Variants in ENGASE observed in about 807,000 individuals in gnomAD.
ENGASE encodes endo-beta-N-acetylglucosaminidase.
Under a neutral mutation model 78.5 loss-of-function variants are expected in ENGASE, and 69 were observed. That is an observed-to-expected ratio of 0.88 (90% CI 0.72 to 1.07). ENGASE has a LOEUF of 1.07. ENGASE is among the 50% of genes least tolerant of loss of function. The pLI, the probability that ENGASE is intolerant of heterozygous loss-of-function variation, is 0.00. For synonymous variants in ENGASE, 408 were observed against 408.9 expected (o/e 1.00, Z 0.03); for missense variants, 943 against 988.4 (o/e 0.95, Z 0.62).
rs2073327066 is a variant in ENGASE, at chr17:79,086,831, G to C, written c.*482G>C. On this transcript the variant is annotated 3_prime_UTR_variant, in exon 14 of 14. Coordinates refer to ENST00000579016, the MANE Select transcript of ENGASE (RefSeq NM_001042573.3). ...ATGAGGACGAGCTACAGCAGCTCCT[G>C]GGGTGGGGCTGCCTGCGGGATGGCG... 2 of 422,628 alleles carry C rather than the reference G, an allele frequency of 4.7e-6. No homozygotes were observed. Among genetic ancestry groups the C allele is most frequent in the Admixed American group, 2.5e-5 (1 of 39,286 alleles). 26.2% of individuals were successfully genotyped at this position (422,628 alleles called of 1,614,324 possible). A position where few individuals can be genotyped will look rare whatever the true frequency, so the allele number is the denominator to read the frequency against.
rs749489623 is a variant in ENGASE, at chr17:79,082,002, A to G, written c.977A>G (p.Tyr326Cys). The G allele has an allele frequency of 6.2e-6, 10 of 1,614,082 alleles. No homozygotes were observed. Among genetic ancestry groups the G allele is most frequent in the African/African-American group, 2.7e-5 (2 of 74,932 alleles). Residue 326 changes from tyrosine (Y) to cysteine (C), a missense_variant, in exon 7 of 14, where the codon TAC (tyrosine) becomes TGC (cysteine). Tyr to Cys is a radical substitution (Grantham distance 194). Transcript: ENST00000579016. ...GQAGERRADV[Y>C]VGVDVFARGN... is the part of the protein sequence containing the mutation. ...GCTGGGGAGCGCCGGGCTGATGTGT[A>G]CGTGGGCGTGGATGTGTTTGCTCGA...
intron 10 of ENGASE, chr17:79,084,239 A>AAACCACC: frequency 6.1e-6 from 1 of 163,216 alleles, no homozygotes; most frequent in Non-Finnish European, 1.0e-5. Flanking sequence ...TTAGCCCCCC[A>AAACCACC]TCCTCCCCCA....
At chr17:79,082,873 T>C (rs34879184) in intron 7 of ENGASE, 147 bp from the exon 8 acceptor site, 109,485 of 1,570,150 alleles carry the variant, frequency 0.07, 6,231 homozygotes, top group African/African-American at 0.3. Flanking sequence ...CCCAGCAGCC[T>C]CCAGGTGCAT....
chr17:79,074,938 C>T lies in ENGASE; in HGVS notation c.-7C>T. ...GCGATTGCCTCTCGGCGTGCGCGGA[C>T]AGTGTCATGGAGGCCGCGGCGGTGA... On this transcript the variant is annotated 5_prime_UTR_variant, in exon 1 of 14. Coordinates refer to ENST00000579016, the MANE Select transcript of ENGASE (RefSeq NM_001042573.3). The T allele has an allele frequency of 3.2e-6, 4 of 1,260,946 alleles. No individual in the cohort carries two copies. Among genetic ancestry groups the T allele is most frequent in the Non-Finnish European group, 4.0e-6 (4 of 1,002,612 alleles). The allele number at this position is 1,260,946 out of a possible 1,614,324, so 78.1% of individuals were successfully genotyped here. A position where few individuals can be genotyped will look rare whatever the true frequency, so the allele number is the denominator to read the frequency against.
At chr17:79,084,186 A>G in intron 10 of ENGASE, 1 of 562,126 alleles carries the variant, frequency 1.8e-6, no homozygotes, top group Middle Eastern at 4.6e-4. Context: ...ACAGATCCCT[A>G]GAACTGTGTC....
rs763479483 is a variant in ENGASE at position 79,085,891 on chromosome 17, GC to G, written c.1816-37del. Reference sequence around the variant, plus strand: ...GTGTGCGTGGGGGCACCCTCTCCCCGCCCCCGGGCGTCCAGCCGTGCTGAGC... The same window carrying G: ...GTGTGCGTGGGGGCACCCTCTCCCCGCCCCGGGCGTCCAGCCGTGCTGAGC... On this transcript the variant is annotated intron_variant, in intron 13 of 13. Coordinates refer to ENST00000579016, the MANE Select transcript of ENGASE (RefSeq NM_001042573.3). The G allele has an allele frequency of 4.4e-6, 7 of 1,573,514 alleles. No homozygotes were observed. The African/African-American group carries it at 6.7e-5, about 15-fold the overall frequency.
chr17:79,081,760 G>GTGGGA, intron 6 of ENGASE, 138 bp from the exon 7 acceptor site: 2 of 966,118 alleles, frequency 2.1e-6, no homozygotes, highest in Non-Finnish European at 2.9e-6. Flanking sequence ...GTGGGGTGGG[G>GTGGGA]TGGGGTGGGG....
At position 79,087,407 on chromosome 17, in the gene ENGASE, G is replaced by A. The variant is rs1196846280; in HGVS notation, c.*1058G>A. ...GGGAGGCAGGGTCTTCACCACAGGC[G>A]CCTTCCTCTGTCCTTCCTGCTCTTT... On this transcript the variant is annotated 3_prime_UTR_variant, in exon 14 of 14. Transcript: ENST00000579016. 3 of 229,564 alleles carry A rather than the reference G, an allele frequency of 1.3e-5. No individual in the cohort carries two copies. The highest frequency in any genetic ancestry group is 2.2e-5 in the African/African-American group (1 of 44,490). 14.2% of individuals were successfully genotyped at this position (229,564 alleles called of 1,614,324 possible).
At chr17:79,082,238 C>G in intron 7 of ENGASE, 175 bp downstream of exon 7, 1 of 1,543,642 alleles carries the variant, frequency 6.5e-7, no homozygotes, top group Non-Finnish European at 8.7e-7. Flanking sequence ...CAAGCTATGT[C>G]CCCACTGAAA....
chr17:79,075,378 C>G (rs564866095), intron 1 of ENGASE, among the ~76,000 whole-genome samples: 1 of 152,332 alleles, frequency 6.6e-6, no homozygotes, highest in South Asian at 2.1e-4. Context: ...GGAATCCCGA[C>G]GCCCCGGCCA....
Position 79,080,839 on chromosome 17 carries a change from TC to T in ENGASE, c.724-81del, listed in dbSNP as rs1387209838. ...CGCCTGTGGGTCTGTTTGCTCTGCA[TC>T]CCCCTGTCTGTCCAGCGCTGGATAC... On this transcript the variant is annotated intron_variant, in intron 5 of 13. Transcript: ENST00000579016. The T allele has an allele frequency of 9.3e-6, 14 of 1,498,756 alleles. No individual in the cohort carries two copies. The East Asian group carries it at 3.3e-4, about 36-fold the overall frequency. The allele number at this position is 1,498,756 out of a possible 1,614,324, so 92.8% of individuals were successfully genotyped here. A position where few individuals can be genotyped will look rare whatever the true frequency, so the allele number is the denominator to read the frequency against.
At position 79,083,683 on chromosome 17, in the gene ENGASE, C is replaced by T; in HGVS notation, c.1252-78C>T. ...ACTTGCCAGCAGGCACGGTGGTGGTCTTACCCTTCCCTGCCGCTCCGGGCA... is the reference window on the plus strand; with the variant it reads ...ACTTGCCAGCAGGCACGGTGGTGGTTTTACCCTTCCCTGCCGCTCCGGGCA... On this transcript the variant is annotated intron_variant, in intron 9 of 13. Transcript: ENST00000579016. This position sits in a 1 kb window ranked among gnomAD's most constrained non-coding sequence, Gnocchi z 4.9. 1 of 1,562,338 alleles carries T rather than the reference C, an allele frequency of 6.4e-7. No homozygotes were observed. Among genetic ancestry groups the T allele is most frequent in the Non-Finnish European group, 8.7e-7 (1 of 1,143,490 alleles).
rs747252751 is a variant in ENGASE, at chr17:79,084,531, TC to T, written c.1443-3del. On this transcript the variant is annotated splice_polypyrimidine_tract_variant and splice_region_variant and intron_variant, in intron 10 of 13. Coordinates refer to ENST00000579016, the MANE Select transcript of ENGASE (RefSeq NM_001042573.3). ...CACGGCACCCATCACAGGACCTTTT[TC>T]CCCAGGTTATTTTCCCTGCAGGCCC... The T allele has an allele frequency of 1.3e-6, 2 of 1,560,906 alleles. No individual in the cohort carries two copies. Among genetic ancestry groups the T allele is most frequent in the South Asian group, 2.4e-5 (2 of 83,126 alleles).
intron 7 of ENGASE, 119 bp from the exon 8 acceptor site, chr17:79,082,901 G>A (rs1216867959): frequency 6.4e-7 from 1 of 1,570,814 alleles, no homozygotes; most frequent in Non-Finnish European, 8.6e-7. Context: ...GGAGGGGTTG[G>A]ACAGCTTCCC....
At chr17:79,077,927 G>GGT in intron 3 of ENGASE, 63 bp downstream of exon 3, 5 of 1,179,570 alleles carry the variant, frequency 4.2e-6, no homozygotes, top group East Asian at 2.8e-5. Flanking sequence ...GTGGGGGCTG[G>GGT]AGGGGCGGGA....
chr17:79,084,230 T>G, intron 10 of ENGASE: 1 of 528,774 alleles, frequency 1.9e-6, no homozygotes, highest in Non-Finnish European at 3.3e-6. Context: ...CATTGCACAT[T>G]AGCCCCCCAT....
chr17:79,077,099 G>T (rs1311426701), intron 1 of ENGASE, among the ~76,000 whole-genome samples: 1 of 152,202 alleles, frequency 6.6e-6, no homozygotes, highest in African/African-American at 2.4e-5. Flanking sequence ...TTTAACTCCT[G>T]ACCTCAGGTG....
intron 10 of ENGASE, 100 bp downstream of exon 10, chr17:79,084,051 C>T: frequency 9.6e-7 from 1 of 1,046,652 alleles, no homozygotes; most frequent in Non-Finnish European, 1.4e-6. Flanking sequence ...AGAACAAGGA[C>T]AGAGGACAGA....
rs1397201803 is a variant in ENGASE, at chr17:79,087,496, CCTGGTGTGG to C, written c.*1148_*1156del. 5.7e-6 allele frequency: 1 copy of C among 173,970 alleles called. No individual in the cohort carries two copies. Among genetic ancestry groups the C allele is most frequent in the Non-Finnish European group, 1.3e-5 (1 of 79,984 alleles). 10.8% of individuals were successfully genotyped at this position (173,970 alleles called of 1,614,324 possible). ...TACACCTGGGCTGCCTGGGAGGCTT[CCTGGTGTGG>C]TGTCTGGACCCCACGGCCTTGGGTC... On this transcript the variant is annotated 3_prime_UTR_variant, in exon 14 of 14. Coordinates refer to ENST00000579016, the MANE Select transcript of ENGASE (RefSeq NM_001042573.3).
Sources: gnomAD v4.1 joint callset for allele counts (sites outside exome capture counted in the v4.1 genomes callset) on GRCh38, gnomAD v4.1.1 for gene constraint, Gnocchi (gnomAD v3.1) non-coding constraint, MANE v1.5 for transcripts, NCBI Gene and HGNC (gene_info 2026-07-23, HGNC 2026-07-21) for gene names.